The following AKNA variants were observed in gnomAD, a reference collection of about 807,000 sequenced individuals.
AKNA encodes AT-hook transcription factor.
AKNA carries 67 observed loss-of-function variants against 138.8 expected under a neutral mutation model. The ratio of observed to expected loss-of-function variants is 0.48; its 90% CI spans 0.40 to 0.59. AKNA has a LOEUF of 0.59. AKNA is among the 20% of genes least tolerant of loss of function. The pLI, the probability that AKNA is intolerant of heterozygous loss-of-function variation, is 0.00. For synonymous variants in AKNA, 737 were observed against 754.4 expected, an observed-to-expected ratio of 0.98 and a Z score of 0.38; for missense variants, 1,813 against 1,880.4, an observed-to-expected ratio of 0.96 and a Z score of 0.66.
In AKNA at chr9:114,368,477, G is replaced by A. The variant is rs765817954; in HGVS notation, c.1535C>T (p.Pro512Leu). 20 of 1,339,416 alleles carry A rather than the reference G, an allele frequency of 1.5e-5. No homozygotes were observed. Among genetic ancestry groups the A allele is most frequent in the South Asian group, 1.2e-4 (5 of 40,494 alleles). 83.0% of individuals were successfully genotyped at this position (1,339,416 alleles called of 1,614,324 possible). The change falls in exon 5 of 22, where the codon CCG becomes CTG. Residue 512 changes from proline (P) to leucine (L), a missense_variant. By Grantham distance (98) the Pro-to-Leu change is moderately conservative. Transcript: ENST00000374088. ...GGCCTGGGGGTCCTCGGCCGGGCCC[G>A]GCCACCACTCTGCAGAGCGGGGCTG... is the stretch of plus-strand genomic sequence containing the variant. ...IPQPRSAEWW[P>L]GPAEDPQASA...
At chr9:114,367,474 A>T (rs1024554385) in intron 6 of AKNA, 69 bp downstream of exon 6, 84 of 1,564,122 alleles carry the variant, frequency 5.4e-5, no homozygotes, top group Non-Finnish European at 7.1e-5. Context: ...CTCTCACCCA[A>T]GCAGGCAGAG....
intron 19 of AKNA, 145 bp downstream of exon 19, chr9:114,343,563 C>T (rs1830492685): frequency 5.2e-6 from 4 of 773,644 alleles, no homozygotes; most frequent in Admixed American, 2.6e-5. Context: ...GGCAGGACAC[C>T]CAGAAAAATC....
rs1373164589 is a variant in AKNA at position 114,347,872 on chromosome 9, C to A, written c.3250G>T (p.Val1084Leu). The change falls in exon 16 of 22, where the codon GTG becomes TTG. Residue 1084 changes from valine (V) to leucine (L), a missense_variant. Val to Leu is a conservative substitution (Grantham distance 32, BLOSUM62 1). Coordinates refer to ENST00000374088, the MANE Select transcript of AKNA (RefSeq NM_001317950.2). ...DQAICELQEE[V>L]SRLRLRLEDS... Reference sequence around the variant, plus strand: ...TCCAGCCGCAGACGAAGCCGGGACACCTCTTCTTGCAGCTCACAGATGGCC... The same window carrying A: ...TCCAGCCGCAGACGAAGCCGGGACAACTCTTCTTGCAGCTCACAGATGGCC... 1 of 1,551,666 alleles carries A rather than the reference C, an allele frequency of 6.4e-7. No individual in the cohort carries two copies. Among genetic ancestry groups the A allele is most frequent in the Non-Finnish European group, 8.7e-7 (1 of 1,147,360 alleles).
At chr9:114,398,440 C>T (rs1210133426), upstream of AKNA, 1 of 152,314 alleles carries the variant, frequency 6.6e-6, no homozygotes, top group Non-Finnish European at 1.5e-5. This position sits in a 1 kb window ranked among gnomAD's most constrained non-coding sequence, Gnocchi z 4.2. Flanking sequence ...CGAGTCTCAC[C>T]TGCTGGCGGC....
rs757454198 is a variant in AKNA, at chr9:114,376,756, G to A, written c.1051C>T (p.Arg351Trp). The A allele has an allele frequency of 4.3e-6, 7 of 1,612,586 alleles. No individual in the cohort carries two copies. The highest frequency in any genetic ancestry group is 2.2e-5 in the South Asian group (2 of 90,982). The change falls in exon 3 of 22, where the codon CGG becomes TGG. Residue 351 changes from arginine to tryptophan, a missense_variant. By Grantham distance (101) the Arg-to-Trp change is moderately radical. Transcript: ENST00000374088. Reference sequence around the variant, plus strand: ...GGGAGTGGGTAGTTCAACTGCCCCCGGCCATACTTGGGGGCATTAGAAGAG... The same window carrying A: ...GGGAGTGGGTAGTTCAACTGCCCCCAGCCATACTTGGGGGCATTAGAAGAG... ...RSSSNAPKYG[R>W]GQLNYPLPDF...
Position 114,357,997 on chromosome 9 carries a change from G to T in AKNA, c.2663C>A (p.Thr888Asn). 1.2e-6 allele frequency: 2 copies of T among 1,608,518 alleles called. No individual in the cohort carries two copies. The highest frequency in any genetic ancestry group is 1.7e-6 in the Non-Finnish European group (2 of 1,176,644). The change falls in exon 12 of 22, where the codon ACC becomes AAC. Residue 888 changes from threonine (T) to asparagine (N), a missense_variant. Coordinates refer to ENST00000374088, the MANE Select transcript of AKNA (RefSeq NM_001317950.2). Reference sequence around the variant, plus strand: ...AGAGATGCCGCTTCCCTCCAGGCTGGTCATACTACTTTGGTGGGATGCTGC... The same window carrying T: ...AGAGATGCCGCTTCCCTCCAGGCTGTTCATACTACTTTGGTGGGATGCTGC... ...KSAASHQSSM[T>N]SLEGSGISER...
rs1832039303 is a variant in AKNA at position 114,362,407 on chromosome 9, T to C, written c.1915A>G (p.Arg639Gly). ...CAGGCCTTCCACCCCAGCAGGTACC[T>C]GCGAGGATCAAATCTTCCAGGCGTC... ...KGTPGRFDPR[R>G]ELEAEIYRLG... is the part of the protein sequence containing the mutation. The change falls in exon 8 of 22, where the codon AGG becomes GGG. Residue 639 changes from arginine to glycine, a missense_variant and splice_region_variant. Arg to Gly is a moderately radical substitution (Grantham distance 125). Coordinates refer to ENST00000374088, the MANE Select transcript of AKNA (RefSeq NM_001317950.2). The C allele has an allele frequency of 1.2e-6, 2 of 1,610,396 alleles. No individual in the cohort carries two copies. Among genetic ancestry groups the C allele is most frequent in the Non-Finnish European group, 1.7e-6 (2 of 1,178,344 alleles).
chr9:114,356,240 C>A, intron 13 of AKNA, 104 bp from the exon 14 acceptor site: 1 of 1,030,250 alleles, frequency 9.7e-7, no homozygotes, highest in South Asian at 1.6e-5. Flanking sequence ...AGCTCCCACC[C>A]TTTGTAACTT....
chr9:114,377,648 A>AT, intron 2 of AKNA, 116 bp from the exon 3 acceptor site: 2 of 1,060,808 alleles, frequency 1.9e-6, no homozygotes, highest in Non-Finnish European at 2.7e-6. Context: ...GGGGATGGAA[A>AT]GAATCCCAAG....
At chr9:114,340,196 C>CA (rs1160257102) in intron 21 of AKNA, among the ~76,000 whole-genome samples, 1 of 152,194 alleles carries the variant, frequency 6.6e-6, no homozygotes, top group Non-Finnish European at 1.5e-5. Context: ...GTCCCTGCTC[C>CA]ACCAAGCACC....
chr9:114,384,992 G>A (rs540575441), intron 1 of AKNA, among the ~76,000 whole-genome samples: 1 of 152,028 alleles, frequency 6.6e-6, no homozygotes, highest in Non-Finnish European at 1.5e-5. Flanking sequence ...TAAGACCACA[G>A]GTATGCGCCA....
At chr9:114,340,599 T>G (rs1391409395) in intron 21 of AKNA, among the ~76,000 whole-genome samples, 1 of 152,226 alleles carries the variant, frequency 6.6e-6, no homozygotes, top group Non-Finnish European at 1.5e-5. Flanking sequence ...AAGTACGTGG[T>G]TGAGACTCTT....
At chr9:114,363,005 C>T (rs1027017259) in intron 7 of AKNA, among the ~76,000 whole-genome samples, 33 of 152,236 alleles carry the variant, frequency 2.2e-4, no homozygotes, top group African/African-American at 7.5e-4. Context: ...GTTATCATCA[C>T]CATCACATTA....
chr9:114,331,576 G>T (rs142633392), downstream of AKNA: 51 of 1,613,518 alleles, frequency 3.2e-5, no homozygotes, highest in East Asian at 8.9e-5. Flanking sequence ...GAGGGAGGCC[G>T]AGAACATGTT....
At position 114,376,989 on chromosome 9, in the gene AKNA, G is replaced by A. The variant is rs149421926; in HGVS notation, c.818C>T (p.Pro273Leu). The A allele has an allele frequency of 1.3e-5, 21 of 1,614,082 alleles. No individual in the cohort carries two copies. Among genetic ancestry groups the A allele is most frequent in the Admixed American group, 1.2e-4 (7 of 60,010 alleles). ...CCTCCATCTATCTGTGGCATGCTGC[G>A]GACTCTGGGCTGGGGGAGCTGAGGA... ...QDSSAPPAQS[P>L]QHATDRWRRE... Residue 273 changes from proline (P) to leucine (L), a missense_variant, in exon 3 of 22, where the codon CCG becomes CTG. Transcript: ENST00000374088.
Position 114,337,158 on chromosome 9 carries a change from C to T in AKNA, c.4216G>A (p.Val1406Met), listed in dbSNP as rs770630821. 3.7e-5 allele frequency: 60 copies of T among 1,610,514 alleles called. No individual in the cohort carries two copies. Among genetic ancestry groups the T allele is most frequent in the East Asian group, 4.5e-5 (2 of 44,804 alleles). The change falls in exon 22 of 22, where the codon GTG (valine) becomes ATG (methionine). Residue 1406 changes from valine (V) to methionine (M), a missense_variant. Physicochemically the swap from Val to Met is conservative, Grantham distance 21. Transcript: ENST00000374088. ...GAGCGGACGCTCTCGGCAGCCTGCA[C>T]GGCCCGGCTCAGGGCCTTGTTGAGC... ...EELNKALSRA[V>M]QAAESVRSTT...
downstream of AKNA, chr9:114,330,601 C>A: frequency 6.2e-7 from 1 of 1,610,782 alleles, no homozygotes; most frequent in Non-Finnish European, 8.5e-7. Context: ...TCCAATGCAC[C>A]CCCATCTCAG....
chr9:114,385,802 C>G (rs1015015695), intron 1 of AKNA, among the ~76,000 whole-genome samples: 1 of 152,236 alleles, frequency 6.6e-6, no homozygotes, highest in Non-Finnish European at 1.5e-5. Context: ...GTCAGCTAGT[C>G]AGTCAACAAA....
downstream of AKNA, among the ~76,000 whole-genome samples, chr9:114,333,680 C>G: frequency 7.7e-6 from 1 of 129,306 alleles, no homozygotes; most frequent in Non-Finnish European, 1.6e-5. Context: ...ACTGAGACTA[C>G]TGTAAGGCCT....
Sources: allele counts gnomAD v4.1 joint callset (sites outside exome capture counted in the v4.1 genomes callset), GRCh38; gene constraint gnomAD v4.1.1; non-coding constraint Gnocchi (gnomAD v3.1); transcripts MANE v1.5; gene names NCBI Gene and HGNC (gene_info 2026-07-23, HGNC 2026-07-21).